The following KDM4C variants were observed in gnomAD, a reference collection of about 807,000 sequenced individuals.
KDM4C encodes the protein lysine-specific demethylase 4C.
KDM4C carries 81 observed loss-of-function variants against 129.3 expected under a neutral mutation model. The observed-to-expected ratio is 0.63, with a 90% CI of 0.52 to 0.75. The LOEUF (loss-of-function observed/expected upper bound fraction) is 0.75. Among genes scored for constraint, KDM4C ranks in the 30% least tolerant of loss-of-function variants. The pLI, the probability that KDM4C is intolerant of heterozygous loss-of-function variation, is 0.00. For synonymous variants in KDM4C, 573 were observed against 456.1 expected (o/e 1.26, Z -3.26); for missense variants, 1,457 against 1,304.0 (o/e 1.12, Z -1.81).
intron 1 of KDM4C, among the ~76,000 whole-genome samples, chr9:6,740,770 C>T (rs1472463801): frequency 1.3e-5 from 2 of 150,788 alleles, no homozygotes; most frequent in Non-Finnish European, 3.0e-5. Flanking sequence ...TCGCCCACCT[C>T]AGCCTCCCAA....
intron 3 of KDM4C, among the ~76,000 whole-genome samples, chr9:6,807,034 G>C (rs1056596073): frequency 6.6e-6 from 1 of 152,088 alleles, no homozygotes; most frequent in Non-Finnish European, 1.5e-5. Context: ...GAATGCCTGC[G>C]ATTGCAGGCA....
intron 6 of KDM4C, among the ~76,000 whole-genome samples, chr9:6,886,777 C>A (rs868167406): frequency 6.6e-6 from 1 of 152,008 alleles, no homozygotes; most frequent in Non-Finnish European, 1.5e-5. Context: ...CAGGCGTGAA[C>A]CACCGCACTT....
intron 19 of KDM4C, among the ~76,000 whole-genome samples, chr9:7,156,184 C>T (rs1843151483): frequency 6.6e-6 from 1 of 152,158 alleles, no homozygotes; most frequent in South Asian, 2.1e-4. Context: ...ATATCCCTTG[C>T]CCACTTTTTG....
chr9:6,734,106 G>C (rs1262952101), intron 1 of KDM4C, among the ~76,000 whole-genome samples: 1 of 151,974 alleles, frequency 6.6e-6, no homozygotes, highest in Non-Finnish European at 1.5e-5. Flanking sequence ...TATTTTACCA[G>C]CCCCTATTCA....
chr9:6,843,616 C>T (rs1450548157), intron 4 of KDM4C, among the ~76,000 whole-genome samples: 2 of 152,116 alleles, frequency 1.3e-5, no homozygotes, highest in African/African-American at 2.4e-5. Flanking sequence ...CCATGAAAGG[C>T]GATTGAGAAA....
At chr9:6,760,620 G>A (rs993900254) in intron 1 of KDM4C, among the ~76,000 whole-genome samples, 1 of 151,704 alleles carries the variant, frequency 6.6e-6, no homozygotes, top group Non-Finnish European at 1.5e-5. Context: ...GCCCAGGCTG[G>A]AGTGCAGTGG....
chr9:7,149,055 C>G (rs1020286607), intron 19 of KDM4C, among the ~76,000 whole-genome samples: 2 of 152,244 alleles, frequency 1.3e-5, no homozygotes, highest in African/African-American at 4.8e-5. Context: ...TTGCCGTCAT[C>G]AACTGCCACT....
At chr9:6,917,680 T>G (rs1465459207) in intron 8 of KDM4C, among the ~76,000 whole-genome samples, 1 of 152,166 alleles carries the variant, frequency 6.6e-6, no homozygotes, top group Non-Finnish European at 1.5e-5. Flanking sequence ...CCCTCTCTCC[T>G]CCTGTCTCCA....
intron 4 of KDM4C, among the ~76,000 whole-genome samples, chr9:6,841,334 G>A (rs939432638): frequency 6.6e-6 from 1 of 152,154 alleles, no homozygotes; most frequent in Non-Finnish European, 1.5e-5. Context: ...TGCTGAGGGT[G>A]ACAGCAGGAA....
intron 18 of KDM4C, among the ~76,000 whole-genome samples, chr9:7,112,000 A>G (rs1373615133): frequency 1.3e-5 from 2 of 152,046 alleles, no homozygotes; most frequent in Non-Finnish European, 2.9e-5. Context: ...ACAGGTACTC[A>G]GTTCACCCCT....
intron 8 of KDM4C, among the ~76,000 whole-genome samples, chr9:6,935,740 G>A (rs1824660060): frequency 2.6e-5 from 4 of 152,110 alleles, no homozygotes; most frequent in Admixed American, 2.6e-4. Flanking sequence ...TACAAAAAGA[G>A]CCATGAGTAT....
intron 8 of KDM4C, among the ~76,000 whole-genome samples, chr9:6,900,040 G>A (rs1446869930): frequency 6.6e-6 from 1 of 152,170 alleles, no homozygotes; most frequent in Admixed American, 6.5e-5. Context: ...AAATACAATA[G>A]TAATAATATT....
At chr9:6,952,175 A>G (rs1319255427) in intron 8 of KDM4C, among the ~76,000 whole-genome samples, 1 of 152,114 alleles carries the variant, frequency 6.6e-6, no homozygotes, top group Non-Finnish European at 1.5e-5. Flanking sequence ...TTTATTTCTG[A>G]AAAGTTGATC....
intron 15 of KDM4C, among the ~76,000 whole-genome samples, chr9:7,020,388 A>G (rs1435234904): frequency 6.6e-6 from 1 of 152,224 alleles, no homozygotes; most frequent in Non-Finnish European, 1.5e-5. Flanking sequence ...CCAAATAAAT[A>G]GGCACAACTA....
At chr9:6,804,635 G>T in intron 2 of KDM4C, among the ~76,000 whole-genome samples, 1 of 151,902 alleles carries the variant, frequency 6.6e-6, no homozygotes, top group Admixed American at 6.6e-5. Flanking sequence ...GCAGGCGCCT[G>T]TAATCCTGGC....
At chr9:6,759,100 CT>C (rs199721613) in intron 1 of KDM4C, among the ~76,000 whole-genome samples, 1 of 151,888 alleles carries the variant, frequency 6.6e-6, no homozygotes, top group Non-Finnish European at 1.5e-5. Flanking sequence ...ACAAGGTAAA[CT>C]TTTTTTTGCG....
chr9:6,763,071 C>T (rs564946412), intron 1 of KDM4C, among the ~76,000 whole-genome samples: 75 of 152,174 alleles, frequency 4.9e-4, no homozygotes, highest in Non-Finnish European at 8.5e-4. Flanking sequence ...GGCGTGGTTA[C>T]GATCTTCTAA....
intron 2 of KDM4C, among the ~76,000 whole-genome samples, chr9:6,795,680 C>A (rs530704046): frequency 6.8e-6 from 1 of 147,570 alleles, no homozygotes; most frequent in Non-Finnish European, 1.5e-5. Flanking sequence ...TTTTTTTTTT[C>A]TTTTTTTTTG....
intron 8 of KDM4C, among the ~76,000 whole-genome samples, chr9:6,931,150 C>G (rs1184905045): frequency 1.3e-5 from 2 of 150,422 alleles, no homozygotes; most frequent in Non-Finnish European, 3.0e-5. Flanking sequence ...CACTTTATGT[C>G]TTGAATTCCC....
Sources: allele counts gnomAD v4.1 joint callset (sites outside exome capture counted in the v4.1 genomes callset), GRCh38; gene constraint gnomAD v4.1.1; transcripts MANE v1.5; gene names NCBI Gene and HGNC (gene_info 2026-07-23, HGNC 2026-07-21).